Variants in MBTPS1 observed in about 807,000 individuals in gnomAD.
The protein encoded by MBTPS1 is membrane bound transcription factor peptidase, site 1.
MBTPS1 carries 94 observed loss-of-function variants against 127.8 expected under a neutral mutation model. That is an observed-to-expected ratio of 0.74 (90% CI 0.62 to 0.87). MBTPS1 has a LOEUF of 0.87. Ranked by LOEUF, MBTPS1 falls within the 40% of genes least tolerant of loss-of-function variation. The pLI, the probability that MBTPS1 is intolerant of heterozygous loss-of-function variation, is 0.00. For synonymous variants in MBTPS1, 632 were observed against 509.4 expected (o/e 1.24, Z -3.24); for missense variants, 1,636 against 1,353.2 (o/e 1.21, Z -3.28).
In MBTPS1 at chr16:84,098,183, G is replaced by T. The variant is rs73250798; in HGVS notation, c.421+870C>A. 3.1e-3 allele frequency among the ~76,000 whole-genome samples: 474 copies of T among 152,314 alleles called. 5 individuals are homozygous for T. Among genetic ancestry groups the T allele is most frequent in the African/African-American group, 0.011 (456 of 41,572 alleles). On this transcript the variant is annotated intron_variant, in intron 3 of 22. Transcript: ENST00000343411. ...TAAGCCCTGGAGAAGAAAAGGAAAAGCCAAGTTGCTTCCATGCTCACACCT... is the reference window on the plus strand; with the variant it reads ...TAAGCCCTGGAGAAGAAAAGGAAAATCCAAGTTGCTTCCATGCTCACACCT...
At chr16:84,060,551 C>T in intron 20 of MBTPS1, 131 bp downstream of exon 20, 1 of 1,033,418 alleles carries the variant, frequency 9.7e-7, no homozygotes, top group Non-Finnish European at 1.4e-6. Context: ...CTACCCGCAG[C>T]CATTACGAAA....
chr16:84,079,723 A>C (rs564734352), intron 11 of MBTPS1, among the ~76,000 whole-genome samples: 1 of 152,362 alleles, frequency 6.6e-6, no homozygotes, highest in Non-Finnish European at 1.5e-5. Flanking sequence ...AGAAATAAAT[A>C]AATAAATAGA....
rs117985083 is a variant in MBTPS1 at position 84,095,862 on chromosome 16, C to G, written c.422-57G>C. ...AAGAGCAAAACGAACTACACGATAC[C>G]CGCCAGGCAAAACTATCCTAAACAC... On this transcript the variant is annotated intron_variant, in intron 3 of 22. Coordinates refer to ENST00000343411, the MANE Select transcript of MBTPS1 (RefSeq NM_003791.4). 1.0e-4 allele frequency: 146 copies of G among 1,435,946 alleles called. 1 individual carries two copies. The East Asian group carries it at 3.1e-3, about 31-fold the overall frequency. 89.0% of individuals were successfully genotyped at this position (1,435,946 alleles called of 1,614,324 possible).
intron 11 of MBTPS1, among the ~76,000 whole-genome samples, chr16:84,080,522 C>G (rs932867900): frequency 6.6e-6 from 1 of 152,240 alleles, no homozygotes; most frequent in African/African-American, 2.4e-5. Flanking sequence ...GCTCAGGTCT[C>G]CTCTGCAGGA....
At chr16:84,103,743 C>CA (rs368918127) in intron 1 of MBTPS1, among the ~76,000 whole-genome samples, 5 of 152,012 alleles carry the variant, frequency 3.3e-5, no homozygotes, top group African/African-American at 1.2e-4. Context: ...TTAAAATATC[C>CA]AAAAAACGTT....
At chr16:84,063,212 G>C in intron 19 of MBTPS1, 93 bp downstream of exon 19, 1 of 1,362,106 alleles carries the variant, frequency 7.3e-7, no homozygotes, top group Non-Finnish European at 1.0e-6. Flanking sequence ...GATGTCGGCT[G>C]ATCTGCCAGC....
In MBTPS1 at chr16:84,090,859, TG is replaced by T; in HGVS notation, c.1031+15del. On this transcript the variant is annotated intron_variant, in intron 8 of 22. Transcript: ENST00000343411. ...GGGAAAAAATCCCCGAGGTCATCCC[TG>T]CTGGGGCTACTTACCCATAAAGAGG... 6.2e-7 allele frequency: 1 copy of T among 1,601,666 alleles called. No individual in the cohort carries two copies. Among genetic ancestry groups the T allele is most frequent in the South Asian group, 1.1e-5 (1 of 89,428 alleles).
rs568047049 is a variant in MBTPS1, at chr16:84,089,260, C to A, written c.1031+1615G>T. Among the ~76,000 whole-genome samples the A allele has an allele frequency of 5.3e-5, 8 of 152,374 alleles. No individual in the cohort carries two copies. The South Asian group carries it at 1.2e-3, about 24-fold the overall frequency. ...GGCCAACTACGGCCCATGGGCCAAA[C>A]CAGGCCCACACCTGTTTTTGCAAAT... On this transcript the variant is annotated intron_variant, in intron 8 of 22. Coordinates refer to ENST00000343411, the MANE Select transcript of MBTPS1 (RefSeq NM_003791.4).
At chr16:84,114,245 G>A (rs902218394) in intron 1 of MBTPS1, among the ~76,000 whole-genome samples, 7 of 152,184 alleles carry the variant, frequency 4.6e-5, no homozygotes, top group South Asian at 4.1e-4. Context: ...ACAGGCGTGA[G>A]CCATCACGCC....
intron 18 of MBTPS1, among the ~76,000 whole-genome samples, chr16:84,064,153 C>T (rs1428830687): frequency 6.6e-6 from 1 of 151,904 alleles, no homozygotes; most frequent in Non-Finnish European, 1.5e-5. Context: ...AATTCAATTG[C>T]TTTCCTCAGC....
intron 10 of MBTPS1, among the ~76,000 whole-genome samples, chr16:84,082,413 TG>T (rs1311603161): frequency 1.3e-5 from 2 of 152,068 alleles, no homozygotes; most frequent in Admixed American, 6.6e-5. Context: ...TTGGGAGGCT[TG>T]TCTGGGATGA....
intron 12 of MBTPS1, among the ~76,000 whole-genome samples, chr16:84,071,134 A>C (rs781177269): frequency 2.6e-5 from 4 of 152,226 alleles, no homozygotes; most frequent in Admixed American, 6.5e-5. Flanking sequence ...GTTATTTCCC[A>C]ATTAGTTGTA....
At chr16:84,060,285 G>A (rs1192282344) in intron 20 of MBTPS1, 1 of 161,032 alleles carries the variant, frequency 6.2e-6, no homozygotes, top group Non-Finnish European at 1.4e-5. Flanking sequence ...TTACTGAGAG[G>A]GGACAGTGAG....
Position 84,101,874 on chromosome 16 carries a change from G to C in MBTPS1, c.-91C>G. 3 of 1,237,572 alleles carry C rather than the reference G, an allele frequency of 2.4e-6. No homozygotes were observed. Among genetic ancestry groups the C allele is most frequent in the Non-Finnish European group, 3.5e-6 (3 of 864,118 alleles). 76.7% of individuals were successfully genotyped at this position (1,237,572 alleles called of 1,614,324 possible). ...AAGTGAATTTTTGTTTCAGCTAAAA[G>C]CTGCAACATTACTAATCAGCCATCT... is the stretch of plus-strand genomic sequence containing the variant. On this transcript the variant is annotated 5_prime_UTR_variant, in exon 2 of 23. Coordinates refer to ENST00000343411, the MANE Select transcript of MBTPS1 (RefSeq NM_003791.4).
At chr16:84,073,304 T>C (rs998154135) in intron 12 of MBTPS1, among the ~76,000 whole-genome samples, 1 of 152,076 alleles carries the variant, frequency 6.6e-6, no homozygotes, top group African/African-American at 2.4e-5. Context: ...CAGCTGATTT[T>C]TGTATTTTTA....
At chr16:84,080,505 G>C (rs1245309236) in intron 11 of MBTPS1, among the ~76,000 whole-genome samples, 5 of 152,214 alleles carry the variant, frequency 3.3e-5, no homozygotes, top group Admixed American at 6.5e-5. Flanking sequence ...GCCCCACAGG[G>C]CCAGCAGCTC....
At chr16:84,083,163 TTC>T (rs1189061516) in intron 10 of MBTPS1, among the ~76,000 whole-genome samples, 1 of 152,224 alleles carries the variant, frequency 6.6e-6, no homozygotes, top group African/African-American at 2.4e-5. Flanking sequence ...AACCAGTATT[TTC>T]TGTTTCCAGA....
chr16:84,097,136 T>C (rs1238748474), intron 3 of MBTPS1, among the ~76,000 whole-genome samples: 1 of 152,144 alleles, frequency 6.6e-6, no homozygotes, highest in African/African-American at 2.4e-5. Flanking sequence ...CTTTAACTAC[T>C]GTCACGCAGA....
chr16:84,113,350 G>C lies in MBTPS1; in HGVS notation c.-325+3385C>G, dbSNP rs2086425048. ...TATAAAGGCATAACGTTCAAAGATG[G>C]TATTCCCGTACCTATGGGTTTTTCA... On this transcript the variant is annotated intron_variant, in intron 1 of 22. Coordinates refer to ENST00000343411, the MANE Select transcript of MBTPS1 (RefSeq NM_003791.4). 2.0e-5 allele frequency among the ~76,000 whole-genome samples: 3 copies of C among 152,266 alleles called. No homozygotes were observed. The South Asian group carries it at 6.2e-4, about 32-fold the overall frequency.
Sources: allele counts gnomAD v4.1 joint callset (sites outside exome capture counted in the v4.1 genomes callset), GRCh38; gene constraint gnomAD v4.1.1; transcripts MANE v1.5; gene names NCBI Gene and HGNC (gene_info 2026-07-23, HGNC 2026-07-21).